The following HTT variants were observed in gnomAD, a reference collection of about 807,000 sequenced individuals.
HTT encodes the protein huntington disease protein.
A neutral mutation model predicts 362.3 loss-of-function variants in HTT; 104 were observed. That is an observed-to-expected ratio of 0.29 (90% CI 0.24 to 0.34). The LOEUF is 0.34. HTT is among the 10% of genes least tolerant of loss of function. The pLI is 1.00. For missense variants in HTT, 3,301 were observed against 3,928.6 expected (o/e 0.84, Z 4.27); for synonymous variants, 1,577 against 1,548.7 (o/e 1.02, Z -0.43).
chr4:3,212,760 C>T (rs765227055), intron 49 of HTT, 51 bp downstream of exon 49: 2 of 1,597,432 alleles, frequency 1.3e-6, no homozygotes, highest in South Asian at 2.2e-5. Flanking sequence ...GGGCATGGGG[C>T]TGACACTGAA....
intron 2 of HTT, among the ~76,000 whole-genome samples, chr4:3,092,770 C>G (rs753313605): frequency 6.6e-6 from 1 of 152,084 alleles, no homozygotes; most frequent in East Asian, 1.9e-4. Flanking sequence ...TTGCTTCTGG[C>G]TAAGATAGAA....
chr4:3,221,968 A>G (rs906658121), intron 53 of HTT, among the ~76,000 whole-genome samples: 21 of 152,258 alleles, frequency 1.4e-4, no homozygotes, highest in Non-Finnish European at 2.8e-4. Context: ...TTATCCACAG[A>G]GTTGTGCAGC....
intron 23 of HTT, among the ~76,000 whole-genome samples, chr4:3,143,226 CAGGAGT>C (rs1560566920): frequency 5.9e-5 from 9 of 152,082 alleles, no homozygotes. Context: ...CACTTGAGGT[CAGGAGT>C]CGGATACCAG....
At chr4:3,188,370 C>T in intron 39 of HTT, 1 of 166,538 alleles carries the variant, frequency 6.0e-6, no homozygotes, top group Non-Finnish European at 1.3e-5. Flanking sequence ...GGAAGCTCCC[C>T]AAGGACAGTG....
In HTT at chr4:3,239,365, G is replaced by A. The variant is rs528913909; in HGVS notation, c.9215+387G>A. Among the ~76,000 whole-genome samples, 404 of 152,276 alleles carry A rather than the reference G, an allele frequency of 2.7e-3. 4 individuals carry two copies. The highest frequency in any genetic ancestry group is 9.3e-3 in the African/African-American group (386 of 41,550). ...GTCATTGTGCCTCGATCGCCCTCTC[G>A]GGGAAAGGCTTAAGTAAAGATCCAG... On this transcript the variant is annotated intron_variant, in intron 66 of 66. Coordinates refer to ENST00000355072, the MANE Select transcript of HTT (RefSeq NM_001388492.1).
At chr4:3,158,705 G>A (rs1172824418) in intron 28 of HTT, among the ~76,000 whole-genome samples, 1 of 151,846 alleles carries the variant, frequency 6.6e-6, no homozygotes, top group Non-Finnish European at 1.5e-5. Context: ...AAGGATGTTT[G>A]ATAATTTTGG....
chr4:3,190,810 A>G (rs370967653), intron 40 of HTT, among the ~76,000 whole-genome samples: 2 of 152,226 alleles, frequency 1.3e-5, no homozygotes, highest in Non-Finnish European at 2.9e-5. Flanking sequence ...AAGAAGAACG[A>G]TCGTTTGTAA....
intron 60 of HTT, 107 bp from the exon 61 acceptor site, chr4:3,233,056 C>G (rs1052253477): frequency 2.2e-6 from 2 of 907,168 alleles, no homozygotes; most frequent in Non-Finnish European, 3.4e-6. Context: ...TGTGTAGTCT[C>G]TTCTGCACAC....
At chr4:3,096,856 T>C (rs771016338) in intron 2 of HTT, among the ~76,000 whole-genome samples, 2 of 152,222 alleles carry the variant, frequency 1.3e-5, no homozygotes, top group African/African-American at 2.4e-5. Context: ...CGGTGGCTTA[T>C]GCCTGCAGTT....
Position 3,225,720 on chromosome 4 carries a change from A to C in HTT, c.7825A>C (p.Ser2609Arg). 2 of 1,614,034 alleles carry C rather than the reference A, an allele frequency of 1.2e-6. No homozygotes were observed. The highest frequency in any genetic ancestry group is 1.7e-6 in the Non-Finnish European group (2 of 1,179,972). The change falls in exon 57 of 67, where the codon AGC (serine) becomes CGC (arginine). Residue 2609 changes from serine (S) to arginine (R), a missense_variant. This residue lies in a region of HTT where 753 missense variants were observed against 1,021.3 expected (regional missense o/e 0.74). Transcript: ENST00000355072. ...GATCAACCCCGAGCGGGAGCTGGGG[A>C]GCATGAGCTACAAACTCGGCCAGGT... ...LQINPERELGSMSYKLGQVSI... is the reference protein window; with the variant it reads ...LQINPERELGRMSYKLGQVSI...
chr4:3,175,716 C>A (rs1718206577), intron 33 of HTT, among the ~76,000 whole-genome samples: 1 of 152,202 alleles, frequency 6.6e-6, no homozygotes, highest in Non-Finnish European at 1.5e-5. Flanking sequence ...CTTCATGATG[C>A]ACATTTTCCT....
intron 21 of HTT, among the ~76,000 whole-genome samples, chr4:3,139,042 A>G (rs1716215422): frequency 6.6e-6 from 1 of 152,214 alleles, no homozygotes; most frequent in African/African-American, 2.4e-5. Flanking sequence ...CCAAAGTTAC[A>G]TTTTGGTGCA....
At chr4:3,133,586 C>G (rs940285851) in intron 18 of HTT, among the ~76,000 whole-genome samples, 2 of 151,074 alleles carry the variant, frequency 1.3e-5, no homozygotes, top group African/African-American at 4.9e-5. Context: ...TAAAGTGAGC[C>G]TTAGGGATTA....
chr4:3,170,163 A>AT (rs1195581263), intron 29 of HTT, among the ~76,000 whole-genome samples: 1 of 152,072 alleles, frequency 6.6e-6, no homozygotes, highest in Non-Finnish European at 1.5e-5. Flanking sequence ...TGGATGCTAT[A>AT]TATTTTTGTG....
chr4:3,134,373 TC>T (rs1417785910), intron 18 of HTT, 27 bp from the exon 19 acceptor site: 2 of 1,605,968 alleles, frequency 1.2e-6, no homozygotes, highest in African/African-American at 2.7e-5. Flanking sequence ...TAACCTGCTG[TC>T]CTCTTGCCTT....
intron 26 of HTT, among the ~76,000 whole-genome samples, chr4:3,152,269 T>G (rs557625535): frequency 1.4e-4 from 22 of 152,008 alleles, no homozygotes; most frequent in Admixed American, 3.9e-4. Context: ...CAGCTAACTT[T>G]TTGTATTTTT....
rs112220628 is a variant in HTT, at chr4:3,171,277, G to T, written c.3865-1043G>T. Reference sequence around the variant, plus strand: ...ACCAACAAGAATCTATTGCTTATTAGTAGAGGATATTTTGTTAAACAAGTG... The same window carrying T: ...ACCAACAAGAATCTATTGCTTATTATTAGAGGATATTTTGTTAAACAAGTG... On this transcript the variant is annotated intron_variant, in intron 29 of 66. Transcript: ENST00000355072. Among the ~76,000 whole-genome samples, 282 of 152,192 alleles carry T rather than the reference G, an allele frequency of 1.9e-3. 2 individuals are homozygous for T. The highest frequency in any genetic ancestry group is 6.6e-3 in the African/African-American group (273 of 41,516).
intron 37 of HTT, among the ~76,000 whole-genome samples, chr4:3,184,522 C>A (rs1431552809): frequency 6.6e-6 from 1 of 152,050 alleles, no homozygotes; most frequent in Non-Finnish European, 1.5e-5. Context: ...AAGTCAGCAT[C>A]CCTTGGCAGC....
Position 3,238,863 on chromosome 4 carries a change from G to A in HTT, c.9100G>A (p.Asp3034Asn), listed in dbSNP as rs771786621. 1 of 1,612,898 alleles carries A rather than the reference G, an allele frequency of 6.2e-7. No homozygotes were observed. Among genetic ancestry groups the A allele is most frequent in the Non-Finnish European group, 8.5e-7 (1 of 1,179,954 alleles). The change falls in exon 66 of 67, where the codon GAC becomes AAC. Residue 3034 changes from aspartate to asparagine, a missense_variant. Physicochemically the swap from Asp to Asn is conservative, Grantham distance 23. This residue lies in a region of HTT where 753 missense variants were observed against 1,021.3 expected (regional missense o/e 0.74). Coordinates refer to ENST00000355072, the MANE Select transcript of HTT (RefSeq NM_001388492.1). ...CACCGGGCAGTCGTCCATGGTCCGG[G>A]ACTGGGTCATGCTGTCCCTCTCCAA... Reference protein sequence around the residue: ...HSTGQSSMVRDWVMLSLSNFT... With the variant: ...HSTGQSSMVRNWVMLSLSNFT...
Sources: allele counts gnomAD v4.1 joint callset (sites outside exome capture counted in the v4.1 genomes callset), GRCh38; gene constraint gnomAD v4.1.1; regional missense constraint gnomAD v4.1.1; transcripts MANE v1.5; gene names NCBI Gene and HGNC (gene_info 2026-07-23, HGNC 2026-07-21).